The following CACNA1C variants were observed in gnomAD, a reference collection of about 807,000 sequenced individuals.
CACNA1C encodes voltage-dependent L-type calcium channel subunit alpha-1C.
CACNA1C carries 30 observed loss-of-function variants against 229.0 expected under a neutral mutation model. The ratio of observed to expected loss-of-function variants is 0.13; its 90% CI spans 0.10 to 0.18. CACNA1C has a LOEUF of 0.18. CACNA1C is among the 10% of genes least tolerant of loss of function. The pLI is 1.00. For missense variants in CACNA1C, 1,658 were observed against 2,845.0 expected, an observed-to-expected ratio of 0.58 and a Z score of 9.49; for synonymous variants, 1,114 against 1,132.5, an observed-to-expected ratio of 0.98 and a Z score of 0.33.
intron 3 of CACNA1C, among the ~76,000 whole-genome samples, chr12:2,164,974 G>A (rs141166030): frequency 6.6e-6 from 1 of 152,200 alleles, no homozygotes; most frequent in Admixed American, 6.5e-5. Flanking sequence ...TAAACTATTG[G>A]TTGCATTTTA....
chr12:2,205,663 G>A (rs917002189), intron 3 of CACNA1C, among the ~76,000 whole-genome samples: 10 of 152,194 alleles, frequency 6.6e-5, no homozygotes, highest in African/African-American at 9.7e-5. Flanking sequence ...CTCTCCGGCT[G>A]AGTTTTTAGA....
Position 2,532,428 on chromosome 12 carries a change from C to T in CACNA1C, c.1391-17515C>T, listed in dbSNP as rs139079052. Among the ~76,000 whole-genome samples, 174 of 152,324 alleles carry T rather than the reference C, an allele frequency of 1.1e-3. 3 individuals are homozygous for T. In the East Asian group the frequency reaches 0.026, roughly 23 times the overall value. On this transcript the variant is annotated intron_variant, in intron 9 of 46. Transcript: ENST00000399655. ...ATCTGCAAGAAGGCCCGCTCCCCCACAGTATTATTGAGATAGTAACAGGCC... is the reference window on the plus strand; with the variant it reads ...ATCTGCAAGAAGGCCCGCTCCCCCATAGTATTATTGAGATAGTAACAGGCC...
At chr12:2,450,919 C>T (rs1020384890) in intron 4 of CACNA1C, among the ~76,000 whole-genome samples, 5 of 152,194 alleles carry the variant, frequency 3.3e-5, no homozygotes, top group African/African-American at 7.2e-5. Context: ...CAGGAAATGA[C>T]GCAGGAGGAC....
At chr12:2,070,799 C>T (rs1353446272) in intron 1 of CACNA1C, among the ~76,000 whole-genome samples, 1 of 152,058 alleles carries the variant, frequency 6.6e-6, no homozygotes, top group Non-Finnish European at 1.5e-5. Flanking sequence ...AGTTCTTAGT[C>T]ATTATCTCTT....
chr12:2,578,022 C>A (rs1408482429), intron 13 of CACNA1C, among the ~76,000 whole-genome samples: 3 of 151,436 alleles, frequency 2.0e-5, no homozygotes, highest in East Asian at 1.9e-4. Flanking sequence ...GCGCCCGCTA[C>A]CACACCCGGC....
At position 2,691,038 on chromosome 12, in the gene CACNA1C, G is replaced by A. The variant is rs763324710; in HGVS notation, c.6256G>A (p.Ala2086Thr). 3 of 1,602,866 alleles carry A rather than the reference G, an allele frequency of 1.9e-6. No homozygotes were observed. The highest frequency in any genetic ancestry group is 2.3e-5 in the East Asian group (1 of 44,244). ...GGCCGACAACATCCTCAGCGGGGGC[G>A]CCCCACAGAGCCCCAATGGCGCCCT... ...SAADNILSGG[A>T]PQSPNGALLP... The change falls in exon 47 of 47, where the codon GCC (alanine) becomes ACC (threonine). Residue 2086 changes from alanine (A) to threonine (T), a missense_variant. By Grantham distance (58) the Ala-to-Thr change is moderately conservative. Coordinates refer to ENST00000399655, the MANE Select transcript of CACNA1C (RefSeq NM_000719.7).
chr12:2,240,243 T>C (rs568161556), intron 3 of CACNA1C, among the ~76,000 whole-genome samples: 2 of 152,284 alleles, frequency 1.3e-5, no homozygotes, highest in East Asian at 1.9e-4. Context: ...TGACATGCAG[T>C]TTCCCCTCCC....
chr12:2,076,454 C>T (rs778539794), intron 1 of CACNA1C, among the ~76,000 whole-genome samples: 20 of 152,044 alleles, frequency 1.3e-4, no homozygotes, highest in Admixed American at 7.9e-4. Flanking sequence ...CTTTTGGGAG[C>T]GGGCCATGTT....
Position 2,695,074 on chromosome 12 carries a change from T to G in CACNA1C, c.*3875T>G, listed in dbSNP as rs949754750. The G allele has an allele frequency of 2.0e-5, 3 of 151,574 alleles. No homozygotes were observed. The highest frequency in any genetic ancestry group is 7.3e-5 in the African/African-American group (3 of 41,002). 9.4% of individuals were successfully genotyped at this position (151,574 alleles called of 1,614,324 possible). A position where few individuals can be genotyped will look rare whatever the true frequency, so the allele number is the denominator to read the frequency against. ...GCCTGCTGACTCCCAGAAGACCTCT[T>G]TAAACCCCAGGGGAGGCAAATACTT... On this transcript the variant is annotated 3_prime_UTR_variant, in exon 47 of 47. Coordinates refer to ENST00000399655, the MANE Select transcript of CACNA1C (RefSeq NM_000719.7).
At chr12:2,568,026 C>G (rs1188402368) in intron 13 of CACNA1C, among the ~76,000 whole-genome samples, 1 of 152,158 alleles carries the variant, frequency 6.6e-6, no homozygotes, top group East Asian at 1.9e-4. Context: ...AAGCTAGGGA[C>G]TTATTCAGCC....
intron 1 of CACNA1C, among the ~76,000 whole-genome samples, chr12:2,102,261 A>G (rs2076720967): frequency 6.6e-6 from 1 of 152,266 alleles, no homozygotes; most frequent in Non-Finnish European, 1.5e-5. Flanking sequence ...AAGAACTTCC[A>G]TGCAGCCAAT....
intron 30 of CACNA1C, among the ~76,000 whole-genome samples, chr12:2,642,328 C>T (rs538226553): frequency 2.0e-5 from 3 of 152,296 alleles, no homozygotes; most frequent in African/African-American, 7.2e-5. Context: ...GTTCCCTTCC[C>T]CTCCGTGTAA....
chr12:2,566,795 G>A lies in CACNA1C; in HGVS notation c.1669+213G>A, dbSNP rs989479095. 1.3e-5 allele frequency among the ~76,000 whole-genome samples: 2 copies of A among 152,194 alleles called. No individual in the cohort carries two copies. Among genetic ancestry groups the A allele is most frequent in the Non-Finnish European group, 2.9e-5 (2 of 68,034 alleles). On this transcript the variant is annotated intron_variant, in intron 12 of 46. Transcript: ENST00000399655. The surrounding 1 kb of genome is among the most constrained non-coding windows in gnomAD (Gnocchi z 4.0). ...TGTTAAAAACAGACACGGCTCTCCT[G>A]ACTGGGCCCACACCATCAGCCTGCC...
At chr12:2,473,814 G>A (rs2099605436) in intron 5 of CACNA1C, among the ~76,000 whole-genome samples, 3 of 152,156 alleles carry the variant, frequency 2.0e-5, no homozygotes, top group Admixed American at 1.3e-4. Flanking sequence ...AGAAAATTTG[G>A]TTAGTGCCAA....
chr12:2,594,720 A>G (rs950834383), intron 19 of CACNA1C, among the ~76,000 whole-genome samples: 2 of 152,196 alleles, frequency 1.3e-5, no homozygotes, highest in Non-Finnish European at 2.9e-5. Flanking sequence ...TTCCCATCTT[A>G]GGGGCTTGTC....
intron 3 of CACNA1C, among the ~76,000 whole-genome samples, chr12:2,205,063 T>TG (rs2097715867): frequency 6.6e-6 from 1 of 151,932 alleles, no homozygotes; most frequent in Admixed American, 6.6e-5. Context: ...CTTGGCCACA[T>TG]GTGTGGGAGG....
intron 3 of CACNA1C, among the ~76,000 whole-genome samples, chr12:2,413,129 T>G (rs1211872947): frequency 6.6e-6 from 1 of 152,228 alleles, no homozygotes; most frequent in Non-Finnish European, 1.5e-5. Flanking sequence ...GTGATTCTCC[T>G]GCCTAAACTT....
intron 29 of CACNA1C, among the ~76,000 whole-genome samples, chr12:2,619,279 G>A (rs778914467): frequency 6.6e-6 from 1 of 152,220 alleles, no homozygotes; most frequent in Non-Finnish European, 1.5e-5. Context: ...CATATCTACA[G>A]AGGAATGAAG....
chr12:2,187,260 G>C (rs954742555), intron 3 of CACNA1C, among the ~76,000 whole-genome samples: 1 of 152,226 alleles, frequency 6.6e-6, no homozygotes, highest in African/African-American at 2.4e-5. Flanking sequence ...CCTAGCCTCT[G>C]TGTGGTGGAG....
Sources: gnomAD v4.1 joint callset for allele counts (sites outside exome capture counted in the v4.1 genomes callset) on GRCh38, gnomAD v4.1.1 for gene constraint, Gnocchi (gnomAD v3.1) non-coding constraint, MANE v1.5 for transcripts, NCBI Gene and HGNC (gene_info 2026-07-23, HGNC 2026-07-21) for gene names.